Variants in DLG1 observed in about 807,000 individuals in gnomAD.
DLG1 encodes the protein disks large homolog 1.
A neutral mutation model predicts 123.4 loss-of-function variants in DLG1; 42 were observed. The ratio of observed to expected loss-of-function variants is 0.34; its 90% CI spans 0.27 to 0.44. The LOEUF (loss-of-function observed/expected upper bound fraction) is 0.44. DLG1 is among the 20% of genes least tolerant of loss of function. The pLI is 1.00. For synonymous variants in DLG1, 317 were observed against 356.2 expected, an observed-to-expected ratio of 0.89 and a Z score of 1.24; for missense variants, 942 against 1,082.6, an observed-to-expected ratio of 0.87 and a Z score of 1.82.
rs537619059 is a variant in DLG1 at position 197,162,530 on chromosome 3, C to T, written c.484-12734G>A. On this transcript the variant is annotated intron_variant, in intron 5 of 24. Transcript: ENST00000667157. ...ACAAATTGCCAGACTAAAAAAAGGG[C>T]TTATCTTCATTCATAAATGCAAAAT... is the stretch of plus-strand genomic sequence containing the variant. 1.0e-3 allele frequency among the ~76,000 whole-genome samples: 155 copies of T among 152,224 alleles called. 2 individuals are homozygous for T. Among genetic ancestry groups the T allele is most frequent in the African/African-American group, 3.4e-3 (140 of 41,552 alleles).
chr3:197,045,964 T>C (rs766398580), intron 24 of DLG1, among the ~76,000 whole-genome samples: 13 of 152,200 alleles, frequency 8.5e-5, no homozygotes, highest in Non-Finnish European at 1.5e-4. Context: ...AAAGACGTTG[T>C]ATGTAGGTAG....
chr3:197,095,600 T>C (rs1031401738), intron 14 of DLG1, among the ~76,000 whole-genome samples: 18 of 152,222 alleles, frequency 1.2e-4, no homozygotes, highest in Non-Finnish European at 2.2e-4. Context: ...GTACACAATT[T>C]TGATTTGTCC....
At chr3:197,064,703 T>C (rs1299711659) in intron 22 of DLG1, among the ~76,000 whole-genome samples, 1 of 152,234 alleles carries the variant, frequency 6.6e-6, no homozygotes, top group East Asian at 1.9e-4. Flanking sequence ...GTCAGTTGTC[T>C]TTTGACATTG....
At chr3:197,147,432 G>GCACACA (rs67643945) in intron 6 of DLG1, among the ~76,000 whole-genome samples, 2,788 of 147,150 alleles carry the variant, frequency 0.019, 35 homozygotes, top group Middle Eastern at 0.045. Context: ...TATATGGTGT[G>GCACACA]CACACACACA....
intron 2 of DLG1, chr3:197,296,737 T>C (rs1777540161): frequency 2.5e-6 from 1 of 397,536 alleles, no homozygotes; most frequent in Non-Finnish European, 4.5e-6. Context: ...TGTGTACTGG[T>C]AGTTTGCCAA....
intron 24 of DLG1, among the ~76,000 whole-genome samples, chr3:197,045,075 T>C (rs1323558907): frequency 6.6e-6 from 1 of 152,128 alleles, no homozygotes; most frequent in African/African-American, 2.4e-5. Flanking sequence ...GGAAACTGGG[T>C]ACAATCCCAT....
rs3732879 is a variant in DLG1 at position 197,149,598 on chromosome 3, T to C, written c.537+145A>G. ...GAGGACCATACTACTTAATTTACTA[T>C]AGCAATTACAGCTATAGTATATAGT... On this transcript the variant is annotated intron_variant, in intron 6 of 24. Transcript: ENST00000667157. The C allele has an allele frequency of 4.4e-3, 2,744 of 620,508 alleles. 118 individuals are homozygous for C. The East Asian group carries it at 0.072, about 16-fold the overall frequency. 38.4% of individuals were successfully genotyped at this position (620,508 alleles called of 1,614,324 possible).
intron 12 of DLG1, among the ~76,000 whole-genome samples, chr3:197,118,266 A>T (rs955825398): frequency 1.3e-4 from 20 of 152,246 alleles, no homozygotes; most frequent in Non-Finnish European, 1.5e-5. Context: ...TTCCCTCTTT[A>T]CGGCCTTAAA....
chr3:197,051,594 A>T lies in DLG1; in HGVS notation c.2558T>A (p.Phe853Tyr), dbSNP rs950693661. 2 of 1,613,914 alleles carry T rather than the reference A, an allele frequency of 1.2e-6. No individual in the cohort carries two copies. The highest frequency in any genetic ancestry group is 8.5e-7 in the Non-Finnish European group (1 of 1,179,798). The stretch of plus-strand genomic sequence containing the variant: ...GTTCCAACCTGTGAAATGTTCAGTA[A>T]ACTCCTGTTCCAGTTTCATGGCTCT... ...FERAMKLEQE[F>Y]TEHFTAIVQG... Residue 853 changes from phenylalanine (F) to tyrosine (Y), a missense_variant, in exon 24 of 25, where the codon TTT becomes TAT. By Grantham distance (22) the Phe-to-Tyr change is conservative. Transcript: ENST00000667157.
chr3:197,167,384 G>A (rs889244970), intron 5 of DLG1, among the ~76,000 whole-genome samples: 1 of 152,138 alleles, frequency 6.6e-6, no homozygotes, highest in Non-Finnish European at 1.5e-5. Context: ...ATACAAAAGT[G>A]TCTCCTTTCA....
At chr3:197,060,063 CT>C in intron 22 of DLG1, 65 bp from the exon 23 acceptor site, 1 of 1,169,324 alleles carries the variant, frequency 8.6e-7, no homozygotes, top group Non-Finnish European at 1.3e-6. Context: ...ATCAAAGGTA[CT>C]TTTCCTACAG....
At chr3:197,172,087 T>C (rs1168353145) in intron 5 of DLG1, among the ~76,000 whole-genome samples, 1 of 152,128 alleles carries the variant, frequency 6.6e-6, no homozygotes, top group Admixed American at 6.5e-5. Context: ...CCATATACAC[T>C]CATACGTCAC....
intron 14 of DLG1, among the ~76,000 whole-genome samples, chr3:197,096,459 C>T (rs201417495): frequency 7.6e-4 from 116 of 152,308 alleles, no homozygotes; most frequent in Non-Finnish European, 1.4e-3. Context: ...TGGAAGCCAA[C>T]CTCATGGGTA....
Position 197,083,457 on chromosome 3 carries a change from G to C in DLG1, c.1838+2123C>G, listed in dbSNP as rs1219776838. On this transcript the variant is annotated intron_variant, in intron 16 of 24. Transcript: ENST00000667157. The stretch of plus-strand genomic sequence containing the variant: ...TCTTAAAGAAGAACTTCCAGACAAT[G>C]ATTTGGATGAAGCAGATCTCATAAA... Among the ~76,000 whole-genome samples, 6 of 152,288 alleles carry C rather than the reference G, an allele frequency of 3.9e-5. 1 individual carries two copies. The South Asian group carries it at 1.2e-3, about 32-fold the overall frequency.
chr3:197,222,546 C>T (rs1737684103), intron 4 of DLG1, among the ~76,000 whole-genome samples: 1 of 151,916 alleles, frequency 6.6e-6, no homozygotes, highest in African/African-American at 2.4e-5. Flanking sequence ...CGTTTTCCAC[C>T]CAATTATCTC....
intron 4 of DLG1, among the ~76,000 whole-genome samples, chr3:197,273,681 A>G (rs1368019240): frequency 6.6e-6 from 1 of 152,106 alleles, no homozygotes; most frequent in African/African-American, 2.4e-5. Flanking sequence ...TCCCCTCCCA[A>G]TAAGATAAAC....
intron 4 of DLG1, among the ~76,000 whole-genome samples, chr3:197,260,780 A>T (rs1456082320): frequency 1.3e-5 from 2 of 149,866 alleles, no homozygotes; most frequent in Admixed American, 6.6e-5. Flanking sequence ...AAAAAAAAAA[A>T]AAAATCACTA....
intron 4 of DLG1, among the ~76,000 whole-genome samples, chr3:197,278,896 G>A (rs1479634209): frequency 1.3e-5 from 2 of 152,172 alleles, no homozygotes; most frequent in Non-Finnish European, 2.9e-5. Context: ...TGAAGTCAAA[G>A]AGGCATGTTG....
intron 11 of DLG1, among the ~76,000 whole-genome samples, chr3:197,127,434 AAAAAAAAAAAAAAAAAAAAAAAAATATAT>A (rs1779755491): frequency 9.6e-5 from 4 of 41,486 alleles, no homozygotes; most frequent in African/African-American, 4.6e-4. Flanking sequence ...AAAAAAAAAA[AAAAAAAAAAAAAAAAAAAAAAAAATATAT>A]ATATATATAT....
Sources: gnomAD v4.1 joint callset for allele counts (sites outside exome capture counted in the v4.1 genomes callset) on GRCh38, gnomAD v4.1.1 for gene constraint, MANE v1.5 for transcripts, NCBI Gene and HGNC (gene_info 2026-07-23, HGNC 2026-07-21) for gene names.